Variants in ALK observed in about 807,000 individuals in gnomAD.
ALK encodes ALK receptor tyrosine kinase.
ALK carries 74 observed loss-of-function variants against 163.1 expected under a neutral mutation model. The observed-to-expected ratio is 0.45, with a 90% CI of 0.38 to 0.55. The LOEUF is 0.55. Among genes scored for constraint, ALK ranks in the 20% least tolerant of loss-of-function variants. ALK has a pLI of 0.00. For missense variants in ALK, 2,063 were observed against 2,105.3 expected (o/e 0.98, Z 0.39); for synonymous variants, 960 against 843.2 (o/e 1.14, Z -2.40).
chr2:29,490,191 G>T (rs928697139), intron 4 of ALK, among the ~76,000 whole-genome samples: 1 of 152,228 alleles, frequency 6.6e-6, no homozygotes, highest in Non-Finnish European at 1.5e-5. Flanking sequence ...GTCAGAGCTG[G>T]AGCTAGAGAT....
intron 4 of ALK, among the ~76,000 whole-genome samples, chr2:29,386,523 T>A (rs139757517): frequency 1.3e-5 from 2 of 152,164 alleles, no homozygotes; most frequent in Non-Finnish European, 2.9e-5. Flanking sequence ...TGAGGAAAGA[T>A]AGTGGTGAAA....
intron 4 of ALK, among the ~76,000 whole-genome samples, chr2:29,456,413 C>T (rs1040039801): frequency 3.0e-4 from 45 of 152,018 alleles, no homozygotes; most frequent in African/African-American, 1.1e-3. Context: ...ACACACACTC[C>T]GAGATGGATA....
intron 1 of ALK, among the ~76,000 whole-genome samples, chr2:29,718,659 G>A (rs552796590): frequency 7.9e-5 from 12 of 152,290 alleles, no homozygotes; most frequent in South Asian, 4.2e-4. Flanking sequence ...GATATTCACC[G>A]TGGCTCTTTG....
chr2:29,635,856 C>A (rs530756856), intron 3 of ALK, among the ~76,000 whole-genome samples: 4 of 151,852 alleles, frequency 2.6e-5, no homozygotes. Flanking sequence ...GTCACGAACT[C>A]CTGACCTCAA....
At chr2:29,311,734 C>T (rs1013979901) in intron 8 of ALK, among the ~76,000 whole-genome samples, 11 of 151,946 alleles carry the variant, frequency 7.2e-5, no homozygotes, top group African/African-American at 2.2e-4. Flanking sequence ...TGTGTGTGGT[C>T]TAGGTTCCTC....
chr2:29,392,979 A>AGTTCAAGGCCACTGAAT (rs1553310572), intron 4 of ALK, among the ~76,000 whole-genome samples: 2 of 151,506 alleles, frequency 1.3e-5, no homozygotes, highest in Non-Finnish European at 2.9e-5. Context: ...GATCACTCAA[A>AGTTCAAGGCCACTGAAT]GTTCAAGGTC....
chr2:29,299,888 G>A (rs1049705145), intron 8 of ALK, among the ~76,000 whole-genome samples: 3 of 152,186 alleles, frequency 2.0e-5, no homozygotes, highest in African/African-American at 7.2e-5. Flanking sequence ...CAAGTCAAGA[G>A]AGAATGGTTT....
At chr2:29,583,163 G>C (rs1674776079) in intron 3 of ALK, among the ~76,000 whole-genome samples, 1 of 150,914 alleles carries the variant, frequency 6.6e-6, no homozygotes, top group Non-Finnish European at 1.5e-5. Flanking sequence ...ACAGGTGTGA[G>C]TCACCATGCC....
chr2:29,702,392 G>A (rs1292302453), intron 2 of ALK, among the ~76,000 whole-genome samples: 1 of 152,212 alleles, frequency 6.6e-6, no homozygotes, highest in Non-Finnish European at 1.5e-5. Flanking sequence ...CAGGACAGGA[G>A]CCAGAGTGTC....
intron 3 of ALK, among the ~76,000 whole-genome samples, chr2:29,541,032 C>G (rs1337907253): frequency 6.6e-6 from 1 of 152,016 alleles, no homozygotes; most frequent in Non-Finnish European, 1.5e-5. Context: ...CCTTTTTTCC[C>G]TGTTTCCATA....
chr2:29,280,125 C>T (rs1422135474), intron 9 of ALK, among the ~76,000 whole-genome samples: 1 of 152,028 alleles, frequency 6.6e-6, no homozygotes, highest in Non-Finnish European at 1.5e-5. Context: ...TGGGAAAGTT[C>T]TATCATGTAT....
At chr2:29,225,856 A>G (rs984030504) in intron 18 of ALK, among the ~76,000 whole-genome samples, 1 of 152,154 alleles carries the variant, frequency 6.6e-6, no homozygotes, top group East Asian at 1.9e-4. Flanking sequence ...TGAGGATGGA[A>G]GGTGAAACGA....
In ALK at chr2:29,416,936, TA is replaced by T. The variant is rs58905654; in HGVS notation, c.1155-33078del. On this transcript the variant is annotated intron_variant, in intron 4 of 28. Coordinates refer to ENST00000389048, the MANE Select transcript of ALK (RefSeq NM_004304.5). ...ATGTAGTCAATAAATATTTGCTCAT[TA>T]AAAAAAAAATGAGTGAACTTTTGTT... Among the ~76,000 whole-genome samples the T allele has an allele frequency of 4.9e-3, 702 of 142,562 alleles. 6 individuals carry two copies. Among genetic ancestry groups the T allele is most frequent in the African/African-American group, 0.011 (435 of 38,656 alleles). 93.5% of individuals were successfully genotyped at this position (142,562 alleles called of 152,430 possible). A position where few individuals can be genotyped will look rare whatever the true frequency, so the allele number is the denominator to read the frequency against.
intron 12 of ALK, among the ~76,000 whole-genome samples, chr2:29,248,755 C>T (rs1056403773): frequency 3.3e-5 from 5 of 152,110 alleles, no homozygotes; most frequent in African/African-American, 1.2e-4. Context: ...CCTGACTCGA[C>T]TTAGATATGG....
intron 1 of ALK, among the ~76,000 whole-genome samples, chr2:29,737,833 T>C (rs1368220297): frequency 6.6e-6 from 1 of 152,186 alleles, no homozygotes; most frequent in African/African-American, 2.4e-5. Context: ...TTCCTCAGAA[T>C]AACACATGTG....
intron 3 of ALK, among the ~76,000 whole-genome samples, chr2:29,620,064 A>C (rs1675985508): frequency 6.6e-6 from 1 of 152,214 alleles, no homozygotes; most frequent in South Asian, 2.1e-4. Context: ...CCCCTTTCGT[A>C]ATGCCTCAAT....
intron 3 of ALK, among the ~76,000 whole-genome samples, chr2:29,558,800 T>A (rs1484726589): frequency 6.6e-6 from 1 of 152,202 alleles, no homozygotes; most frequent in Non-Finnish European, 1.5e-5. Flanking sequence ...ATTTGTTCAT[T>A]CAGCATTCAT....
intron 1 of ALK, among the ~76,000 whole-genome samples, chr2:29,864,173 T>C (rs894081987): frequency 6.6e-6 from 1 of 152,184 alleles, no homozygotes; most frequent in African/African-American, 2.4e-5. Context: ...ACTGTCTGAC[T>C]CCAGGGTCTG....
intron 3 of ALK, among the ~76,000 whole-genome samples, chr2:29,666,004 G>A (rs961368549): frequency 3.9e-5 from 6 of 151,964 alleles, no homozygotes; most frequent in Non-Finnish European, 7.4e-5. Flanking sequence ...ATTCCCTTCT[G>A]CTGTCCTGCC....
Sources: gnomAD v4.1 joint callset for allele counts (sites outside exome capture counted in the v4.1 genomes callset) on GRCh38, gnomAD v4.1.1 for gene constraint, MANE v1.5 for transcripts, NCBI Gene and HGNC (gene_info 2026-07-23, HGNC 2026-07-21) for gene names.